OR11A1: variants seen among roughly 807,000 people sequenced by gnomAD.
OR11A1 encodes the protein olfactory receptor 11A1.
For missense variants in OR11A1, 380 were observed against 378.2 expected (o/e 1.00, Z -0.04); for synonymous variants, 158 against 152.2 (o/e 1.04, Z -0.28).
At chr6:29,452,840 T>C (rs1785571926) in intron 1 of OR11A1, among the ~76,000 whole-genome samples, 1 of 152,112 alleles carries the variant, frequency 6.6e-6, no homozygotes. Flanking sequence ...AACGAAAAAC[T>C]TTCAAGATTG....
chr6:29,435,611 A>G (rs929637767), intron 1 of OR11A1, among the ~76,000 whole-genome samples: 1 of 152,206 alleles, frequency 6.6e-6, no homozygotes, highest in African/African-American at 2.4e-5. Flanking sequence ...AACCCAAAAT[A>G]TTGTTCAATC....
At chr6:29,429,457 T>C (rs1004208108) in intron 3 of OR11A1, among the ~76,000 whole-genome samples, 1 of 152,212 alleles carries the variant, frequency 6.6e-6, no homozygotes, top group African/African-American at 2.4e-5. Flanking sequence ...CAAACAAAAC[T>C]GGTCCATACT....
chr6:29,448,497 T>C lies in OR11A1; in HGVS notation c.-389+8490A>G, dbSNP rs886914088. On this transcript the variant is annotated intron_variant, in intron 1 of 4. Coordinates refer to ENST00000377149, the MANE Select transcript of OR11A1 (RefSeq NM_001394828.1). ...CCATAAGGGTCACTTGAGAAAATCA[T>C]GAAATCTGGGAAAGGAAGGGCAAGT... Among the ~76,000 whole-genome samples, 10 of 152,312 alleles carry C rather than the reference T, an allele frequency of 6.6e-5. No homozygotes were observed. The East Asian group carries it at 1.9e-3, about 29-fold the overall frequency.
intron 1 of OR11A1, chr6:29,440,012 C>T (rs1783972670): frequency 6.2e-7 from 1 of 1,610,044 alleles, no homozygotes; most frequent in African/African-American, 1.3e-5. Flanking sequence ...GGTATGCAGG[C>T]AGGATGAGTG....
At position 29,430,637 on chromosome 6, in the gene OR11A1, G is replaced by C. The variant is rs117948783; in HGVS notation, c.-264-212C>G. Among the ~76,000 whole-genome samples the C allele has an allele frequency of 1.4e-4, 22 of 152,270 alleles. 1 individual carries two copies. In the East Asian group the frequency reaches 4.2e-3, roughly 29 times the overall value. On this transcript the variant is annotated intron_variant, in intron 2 of 4. Transcript: ENST00000377149. ...TGTGTGCACATGAACACAGAATTCA[G>C]AATAATAGACATTGGAGACTTGGAA...
intron 1 of OR11A1, among the ~76,000 whole-genome samples, chr6:29,436,765 A>G (rs1204999545): frequency 6.6e-6 from 1 of 152,264 alleles, no homozygotes; most frequent in Non-Finnish European, 1.5e-5. Flanking sequence ...GGTTAGTCAT[A>G]GAGCCAGCAT....
chr6:29,445,894 A>G (rs1454541814), intron 1 of OR11A1, among the ~76,000 whole-genome samples: 2 of 152,046 alleles, frequency 1.3e-5, no homozygotes, highest in Non-Finnish European at 2.9e-5. Flanking sequence ...TTGGAAGAGG[A>G]AATATTGTAG....
At chr6:29,450,516 CTCTGT>C (rs1292954002) in intron 1 of OR11A1, 14 of 152,198 alleles carry the variant, frequency 9.2e-5, no homozygotes, top group Admixed American at 9.2e-4. Flanking sequence ...ACATCCACTG[CTCTGT>C]TAAGTACTCC....
intron 2 of OR11A1, among the ~76,000 whole-genome samples, chr6:29,431,369 A>C (rs946073795): frequency 6.6e-6 from 1 of 152,174 alleles, no homozygotes; most frequent in Non-Finnish European, 1.5e-5. Context: ...AAGTCTCTTC[A>C]GTAATTACTC....
intron 2 of OR11A1, among the ~76,000 whole-genome samples, 192 bp downstream of exon 2, chr6:29,431,672 G>C (rs116963310): frequency 1.3e-5 from 2 of 152,170 alleles, no homozygotes; most frequent in Non-Finnish European, 2.9e-5. Context: ...ATGGAGAAAA[G>C]AGCAGCACTG....
At chr6:29,434,616 A>T (rs1359538517) in intron 1 of OR11A1, among the ~76,000 whole-genome samples, 1 of 152,244 alleles carries the variant, frequency 6.6e-6, no homozygotes, top group African/African-American at 2.4e-5. Context: ...AACTTCAGAG[A>T]TAATTCAAGT....
At chr6:29,456,567 A>G (rs752813824) in intron 1 of OR11A1, among the ~76,000 whole-genome samples, 2 of 152,218 alleles carry the variant, frequency 1.3e-5, no homozygotes, top group Non-Finnish European at 2.9e-5. Flanking sequence ...ATCACCTGAT[A>G]TCCACTAGAA....
intron 1 of OR11A1, among the ~76,000 whole-genome samples, chr6:29,452,488 A>G (rs1785528750): frequency 1.3e-5 from 2 of 152,232 alleles, no homozygotes; most frequent in Non-Finnish European, 2.9e-5. Flanking sequence ...ACAAAGATTT[A>G]AAAAGAAAAA....
Position 29,427,722 on chromosome 6 carries a change from C to T in OR11A1, c.-81G>A, listed in dbSNP as rs16894900. The T allele has an allele frequency of 2.5e-5, 37 of 1,497,646 alleles. No homozygotes were observed. The highest frequency in any genetic ancestry group is 9.5e-5 in the East Asian group (4 of 42,182). The allele number at this position is 1,497,646 out of a possible 1,614,324, so 92.8% of individuals were successfully genotyped here. ...TCTGCATCTTCTATACCAAGCCTAACGTTATTAGAGCTAAAACAAAACAAA... is the reference window on the plus strand; with the variant it reads ...TCTGCATCTTCTATACCAAGCCTAATGTTATTAGAGCTAAAACAAAACAAA... On this transcript the variant is annotated 5_prime_UTR_variant, in exon 5 of 5. Transcript: ENST00000377149.
chr6:29,431,465 G>C lies in OR11A1; in HGVS notation c.-265+399C>G, dbSNP rs138523785. ...ATATCCCAGTTTTGTCAAGCCATGG[G>C]ATAGCAGGAGGAAAACTTTCCACCA... On this transcript the variant is annotated intron_variant, in intron 2 of 4. Transcript: ENST00000377149. 8.4e-3 allele frequency among the ~76,000 whole-genome samples: 1,277 copies of C among 152,172 alleles called. 19 individuals are homozygous for C. Among genetic ancestry groups the C allele is most frequent in the East Asian group, 0.035 (181 of 5,188 alleles).
intron 1 of OR11A1, among the ~76,000 whole-genome samples, chr6:29,441,333 T>A (rs1229273964): frequency 1.3e-5 from 2 of 152,214 alleles, no homozygotes; most frequent in Non-Finnish European, 2.9e-5. Flanking sequence ...AGGCATTTGT[T>A]TCTTGGGTGG....
chr6:29,428,237 A>G (rs1165253500), intron 4 of OR11A1: 9 of 985,760 alleles, frequency 9.1e-6, no homozygotes, highest in Non-Finnish European at 1.1e-5. Context: ...GATAATTCTT[A>G]TATATTCTTC....
chr6:29,442,207 G>A (rs371103372), intron 1 of OR11A1, among the ~76,000 whole-genome samples: 23 of 152,202 alleles, frequency 1.5e-4, no homozygotes, highest in African/African-American at 5.5e-4. Flanking sequence ...AGACCCAGAG[G>A]AAGGTGGAAG....
chr6:29,431,892 C>T lies in OR11A1; in HGVS notation c.-293G>A, dbSNP rs1783252700. ...AAATATCGACCCTGTTCTCTAAAGA[C>T]AGGACTGTGAGGAGGAGATGATCTG... On this transcript the variant is annotated 5_prime_UTR_variant, in exon 2 of 5. Transcript: ENST00000377149. 1 of 985,214 alleles carries T rather than the reference C, an allele frequency of 1.0e-6. No homozygotes were observed. The highest frequency in any genetic ancestry group is 4.7e-5 in the South Asian group (1 of 21,286). The allele number at this position is 985,214 out of a possible 1,614,324, so 61.0% of individuals were successfully genotyped here. A position where few individuals can be genotyped will look rare whatever the true frequency, so the allele number is the denominator to read the frequency against.
Sources: allele counts gnomAD v4.1 joint callset (sites outside exome capture counted in the v4.1 genomes callset), GRCh38; gene constraint gnomAD v4.1.1; transcripts MANE v1.5; gene names NCBI Gene and HGNC (gene_info 2026-07-23, HGNC 2026-07-21).